Variants in LIMS1 observed in about 807,000 individuals in gnomAD.
LIMS1 encodes the protein LIM zinc finger domain containing 1, also known as LIM and senescent cell antigen-like-containing domain protein 1.
In LIMS1, 18 loss-of-function variants were observed where a neutral mutation model predicts 44.1. The ratio of observed to expected loss-of-function variants is 0.41; its 90% confidence interval spans 0.28 to 0.61. The LOEUF (loss-of-function observed/expected upper bound fraction) is 0.61, where lower values mean the gene tolerates loss of function less well. LIMS1 is among the 20% of genes least tolerant of loss of function. The pLI is 0.32. For synonymous variants in LIMS1, 93 were observed against 149.1 expected (o/e 0.62, Z 2.74); for missense variants, 201 against 422.0 (o/e 0.48, Z 4.59).
intron 1 of LIMS1, among the ~76,000 whole-genome samples, chr2:108,631,813 T>TTTG (rs995103053): frequency 2.0e-5 from 3 of 152,192 alleles, no homozygotes; most frequent in African/African-American, 7.2e-5. Context: ...ATCTGCCTGT[T>TTTG]TTGTGGCTGA....
intron 1 of LIMS1, among the ~76,000 whole-genome samples, chr2:108,630,095 G>A (rs1688811081): frequency 6.6e-6 from 1 of 151,354 alleles, no homozygotes; most frequent in Non-Finnish European, 1.5e-5. Context: ...TTGGGAGGCT[G>A]AGGCTGGAGG....
chr2:108,687,201 A>G (rs1192508148), exon 10 of LIMS1: 16 of 152,212 alleles, frequency 1.1e-4, no homozygotes, highest in Non-Finnish European at 7.3e-5. Flanking sequence ...CAACCACCAC[A>G]GTATATTCTT....
intron 1 of LIMS1, among the ~76,000 whole-genome samples, chr2:108,603,164 TA>T (rs1258822301): frequency 6.6e-6 from 1 of 152,216 alleles, no homozygotes; most frequent in African/African-American, 2.4e-5. Context: ...AGTTTGGAAG[TA>T]TTCCCCTCTC....
intron 1 of LIMS1, among the ~76,000 whole-genome samples, chr2:108,536,011 T>C (rs1330757172): frequency 1.3e-5 from 2 of 152,200 alleles, no homozygotes; most frequent in Non-Finnish European, 2.9e-5. Flanking sequence ...CATGGACTTT[T>C]TTCCTTAAAA....
intron 1 of LIMS1, among the ~76,000 whole-genome samples, chr2:108,543,307 C>G (rs115930477): frequency 0.054 from 8,254 of 152,128 alleles, 311 homozygotes; most frequent in Middle Eastern, 0.16. Flanking sequence ...GGCACGTGCC[C>G]GTAGTCCTGT....
intron 1 of LIMS1, among the ~76,000 whole-genome samples, chr2:108,650,746 C>T (rs1690422026): frequency 6.6e-6 from 1 of 152,200 alleles, no homozygotes; most frequent in African/African-American, 2.4e-5. Context: ...CATTCCATGG[C>T]CACACTGTTA....
intron 1 of LIMS1, among the ~76,000 whole-genome samples, chr2:108,555,915 G>A (rs1037600836): frequency 6.6e-6 from 1 of 152,118 alleles, no homozygotes. Flanking sequence ...AAATAGTGGA[G>A]GTAGATTGGA....
chr2:108,618,157 C>T (rs1480868314), intron 1 of LIMS1, among the ~76,000 whole-genome samples: 1 of 152,122 alleles, frequency 6.6e-6, no homozygotes, highest in Non-Finnish European at 1.5e-5. Flanking sequence ...GAATGAGAGT[C>T]TGGACTGACC....
intron 1 of LIMS1, among the ~76,000 whole-genome samples, chr2:108,610,773 C>T (rs1047768774): frequency 6.6e-6 from 1 of 152,174 alleles, no homozygotes; most frequent in Non-Finnish European, 1.5e-5. Context: ...CAGGAAAACC[C>T]CTTCTCTGTT....
At chr2:108,555,329 G>A (rs1573319925) in intron 1 of LIMS1, among the ~76,000 whole-genome samples, 2 of 152,292 alleles carry the variant, frequency 1.3e-5, no homozygotes, top group South Asian at 2.1e-4. Context: ...CTTGAGGTGA[G>A]TCTGACACTG....
At chr2:108,648,564 C>G (rs1449627039) in intron 1 of LIMS1, among the ~76,000 whole-genome samples, 3 of 152,184 alleles carry the variant, frequency 2.0e-5, no homozygotes, top group African/African-American at 7.2e-5. Context: ...AAGTATACTA[C>G]AAGTCTACTT....
At chr2:108,675,474 T>C (rs532771372) in intron 5 of LIMS1, among the ~76,000 whole-genome samples, 2 of 152,110 alleles carry the variant, frequency 1.3e-5, no homozygotes, top group Non-Finnish European at 2.9e-5. Context: ...CACCTCAGAA[T>C]TGGGGATCAT....
At chr2:108,595,047 C>G (rs116407812) in intron 1 of LIMS1, among the ~76,000 whole-genome samples, 2,554 of 152,260 alleles carry the variant, frequency 0.017, 42 homozygotes, top group African/African-American at 0.035. Context: ...CAGGGCTGCT[C>G]TTGAAAGAAT....
intron 1 of LIMS1, among the ~76,000 whole-genome samples, chr2:108,651,101 C>G (rs1253967483): frequency 6.6e-6 from 1 of 152,162 alleles, no homozygotes; most frequent in East Asian, 1.9e-4. Flanking sequence ...AGTGCTGTCA[C>G]CAGCTCCTGA....
At chr2:108,572,376 CTT>C (rs1685505820) in intron 1 of LIMS1, among the ~76,000 whole-genome samples, 1 of 128,722 alleles carries the variant, frequency 7.8e-6, no homozygotes, top group Admixed American at 8.8e-5. Context: ...CTCTGGGACT[CTT>C]GCTTTTTTTT....
chr2:108,662,619 T>C (rs1390237245), intron 2 of LIMS1: 2 of 990,436 alleles, frequency 2.0e-6, no homozygotes, highest in Non-Finnish European at 2.5e-6. Context: ...TTCTTTTTGG[T>C]TAAATGATAT....
Position 108,681,021 on chromosome 2 carries a change from A to G in LIMS1, c.899+251A>G, listed in dbSNP as rs1002541998. ...GCCAGTCTGCAAACACTGTTATGAG[A>G]AAATGCCAGAAGAATTTAAGAGGCG... is the stretch of plus-strand genomic sequence containing the variant. On this transcript the variant is annotated intron_variant, in intron 9 of 9. Coordinates refer to ENST00000544547, the Ensembl canonical transcript of LIMS1. 26 of 1,277,530 alleles carry G rather than the reference A, an allele frequency of 2.0e-5. No individual in the cohort carries two copies. The Admixed American group carries it at 2.6e-4, about 13-fold the overall frequency. The allele number at this position is 1,277,530 out of a possible 1,614,324, so 79.1% of individuals were successfully genotyped here.
intron 1 of LIMS1, among the ~76,000 whole-genome samples, chr2:108,578,439 A>G (rs1302680978): frequency 2.6e-5 from 4 of 152,108 alleles, no homozygotes; most frequent in East Asian, 1.9e-4. Context: ...TATCTCCACC[A>G]TATGAAATAA....
intron 1 of LIMS1, among the ~76,000 whole-genome samples, chr2:108,571,840 G>T (rs1221548938): frequency 1.3e-5 from 2 of 152,168 alleles, no homozygotes; most frequent in African/African-American, 4.8e-5. Context: ...ACTGTTCAAT[G>T]TAGGGACAGG....
Sources: gnomAD v4.1 joint callset for allele counts (sites outside exome capture counted in the v4.1 genomes callset) on GRCh38, gnomAD v4.1.1 for gene constraint, MANE v1.5 for transcripts, NCBI Gene and HGNC (gene_info 2026-07-23, HGNC 2026-07-21) for gene names.